Variants in COL27A1 observed in about 807,000 individuals in gnomAD.
The protein encoded by COL27A1 is collagen alpha-1(XXVII) chain.
COL27A1 carries 106 observed loss-of-function variants against 251.3 expected under a neutral mutation model. That is an observed-to-expected ratio of 0.42 (90% CI 0.36 to 0.50). COL27A1 has a LOEUF of 0.50. Ranked by LOEUF, COL27A1 falls within the 20% of genes least tolerant of loss-of-function variation. COL27A1 has a pLI of 0.00. For missense variants in COL27A1, 2,325 were observed against 2,522.8 expected (o/e 0.92, Z 1.68); for synonymous variants, 1,000 against 986.3 (o/e 1.01, Z -0.26).
intron 2 of COL27A1, among the ~76,000 whole-genome samples, chr9:114,163,586 T>G (rs1391309878): frequency 2.6e-5 from 4 of 152,142 alleles, no homozygotes; most frequent in Admixed American, 2.0e-4. Flanking sequence ...CATCTGTTTG[T>G]CAAGCAGCCG....
rs754052256 is a variant in COL27A1 at position 114,250,637 on chromosome 9, T to C, written c.3002T>C (p.Leu1001Pro). 12 of 1,612,130 alleles carry C rather than the reference T, an allele frequency of 7.4e-6. No homozygotes were observed. ...TAGGGATTTATGGGATTCATTGGTC[T>C]GGTCGGGGAGCCAGGAATCGTGGGA... ...GEQGFMGFIG[L>P]VGEPGIVGEK... Residue 1001 changes from leucine to proline, a missense_variant, in exon 25 of 61, where the codon CTG becomes CCG. Physicochemically the swap from Leu to Pro is moderately conservative, Grantham distance 98 (BLOSUM62 -3). Transcript: ENST00000356083.
intron 16 of COL27A1, among the ~76,000 whole-genome samples, chr9:114,232,975 G>A (rs1020785978): frequency 4.1e-4 from 62 of 152,244 alleles, no homozygotes; most frequent in African/African-American, 1.4e-3. Context: ...GGAGGCTGAG[G>A]CAGGAGAATC....
chr9:114,242,877 TCCA>T (rs1832855615), intron 22 of COL27A1, among the ~76,000 whole-genome samples: 1 of 152,228 alleles, frequency 6.6e-6, no homozygotes, highest in African/African-American at 2.4e-5. Context: ...CACGCTATTT[TCCA>T]TAGCAAAATA....
rs772810391 is a variant in COL27A1, at chr9:114,269,247, C to T, written c.3508C>T (p.Leu1170Phe). 1.2e-6 allele frequency: 2 copies of T among 1,603,318 alleles called. No individual in the cohort carries two copies. Among genetic ancestry groups the T allele is most frequent in the South Asian group, 2.2e-5 (2 of 89,624 alleles). The stretch of plus-strand genomic sequence containing the variant: ...TTTGTTCGGCTTCTCCTAGGGTGAC[C>T]TTGGACCCCTGGGCACTCCTGGGGA... ...LPGEAGMKGD[L>F]GPLGTPGEQG... The change falls in exon 35 of 61, where the codon CTT (leucine) becomes TTT (phenylalanine). Residue 1170 changes from leucine to phenylalanine, a missense_variant. Physicochemically the swap from Leu to Phe is conservative, Grantham distance 22. Coordinates refer to ENST00000356083, the MANE Select transcript of COL27A1 (RefSeq NM_032888.4).
intron 2 of COL27A1, among the ~76,000 whole-genome samples, chr9:114,166,484 T>TCC (rs1246586207): frequency 2.9e-5 from 2 of 68,354 alleles, no homozygotes; most frequent in South Asian, 4.5e-4. Context: ...TCCATCCATC[T>TCC]CCCAGTTGTC....
At chr9:114,291,642 G>A (rs760949356) in intron 48 of COL27A1, among the ~76,000 whole-genome samples, 1 of 152,160 alleles carries the variant, frequency 6.6e-6, no homozygotes, top group Non-Finnish European at 1.5e-5. Flanking sequence ...CCAGCCACTC[G>A]GGAGGCCGAG....
Position 114,290,834 on chromosome 9 carries a change from C to A in COL27A1, c.4393C>A (p.Pro1465Thr), listed in dbSNP as rs1314562582. The A allele has an allele frequency of 6.4e-7, 1 of 1,551,100 alleles. No individual in the cohort carries two copies. Among genetic ancestry groups the A allele is most frequent in the Non-Finnish European group, 8.7e-7 (1 of 1,146,756 alleles). ...GGGGGAGCAGGGAGACGATGGGGAC[C>A]CTGGCCCCATGGGCCCTGCTGGGAA... ...QQGEQGDDGD[P>T]GPMGPAGKRG... Residue 1465 changes from proline to threonine, a missense_variant, in exon 48 of 61, where the codon CCT becomes ACT. Physicochemically the swap from Pro to Thr is conservative, Grantham distance 38. This residue lies in a region of COL27A1 where 153 missense variants were observed against 140.7 expected (regional missense o/e 1.09). Transcript: ENST00000356083. The surrounding 1 kb of genome is among the most constrained non-coding windows in gnomAD (Gnocchi z 4.6).
At chr9:114,166,292 TATTCATCTATTC>T (rs1848851535) in intron 2 of COL27A1, among the ~76,000 whole-genome samples, 1 of 132,128 alleles carries the variant, frequency 7.6e-6, no homozygotes, top group Admixed American at 7.5e-5. Flanking sequence ...TCCATCCATC[TATTCATCTATTC>T]ATCCATCCAT....
chr9:114,294,358 T>C (rs1828130477), intron 49 of COL27A1, among the ~76,000 whole-genome samples: 1 of 151,932 alleles, frequency 6.6e-6, no homozygotes, highest in African/African-American at 2.4e-5. Flanking sequence ...GATTCTACCC[T>C]GATGTCAAAG....
chr9:114,176,199 C>G (rs1020755916), intron 3 of COL27A1, among the ~76,000 whole-genome samples: 10 of 152,170 alleles, frequency 6.6e-5, no homozygotes, highest in Admixed American at 2.0e-4. Context: ...CTACAGTATG[C>G]TTCGTCTCAG....
intron 1 of COL27A1, among the ~76,000 whole-genome samples, chr9:114,160,454 C>T (rs1387418553): frequency 2.0e-5 from 3 of 151,982 alleles, no homozygotes; most frequent in Non-Finnish European, 4.4e-5. Context: ...CGTGCCCGGC[C>T]GTTTTTTAAA....
intron 14 of COL27A1, among the ~76,000 whole-genome samples, chr9:114,229,625 T>C (rs770986689): frequency 6.1e-4 from 92 of 152,048 alleles, no homozygotes; most frequent in Non-Finnish European, 1.1e-3. Flanking sequence ...CCCAGAGAGG[T>C]TGGGCACATT....
At chr9:114,230,347 G>A (rs1444478647) in intron 14 of COL27A1, among the ~76,000 whole-genome samples, 2 of 152,054 alleles carry the variant, frequency 1.3e-5, no homozygotes, top group African/African-American at 4.8e-5. Context: ...CCTTGCAGAG[G>A]AAGGAAGGCT....
At position 114,263,527 on chromosome 9, in the gene COL27A1, G is replaced by A. The variant is rs1265877946; in HGVS notation, c.3196-828G>A. On this transcript the variant is annotated intron_variant, in intron 28 of 60. Transcript: ENST00000356083. ...AGCCCATCTGCGTCTCTGTGGGAGC[G>A]GCCCTGGAGGGGACACACGTGGGGC... 4.6e-5 allele frequency among the ~76,000 whole-genome samples: 7 copies of A among 152,262 alleles called. No homozygotes were observed. The East Asian group carries it at 9.7e-4, about 21-fold the overall frequency.
chr9:114,289,842 G>A (rs1827783952), intron 45 of COL27A1, among the ~76,000 whole-genome samples: 1 of 152,160 alleles, frequency 6.6e-6, no homozygotes, highest in South Asian at 2.1e-4. Context: ...CAATGCCAGT[G>A]AGGGGACACC....
chr9:114,195,697 ATTC>A (rs1015587619), intron 6 of COL27A1, among the ~76,000 whole-genome samples: 1 of 152,176 alleles, frequency 6.6e-6, no homozygotes, highest in Non-Finnish European at 1.5e-5. Context: ...ATCGGAACCC[ATTC>A]TTCAAGTGGT....
Position 114,290,290 on chromosome 9 carries a change from C to G in COL27A1, c.4327C>G (p.Pro1443Ala). 3 of 1,583,378 alleles carry G rather than the reference C, an allele frequency of 1.9e-6. No individual in the cohort carries two copies. The highest frequency in any genetic ancestry group is 1.7e-6 in the Non-Finnish European group (2 of 1,164,984). The change falls in exon 47 of 61, where the codon CCA (proline) becomes GCA (alanine). Residue 1443 changes from proline to alanine, a missense_variant. By Grantham distance (27) the Pro-to-Ala change is conservative. Coordinates refer to ENST00000356083, the MANE Select transcript of COL27A1 (RefSeq NM_032888.4). The surrounding 1 kb of genome is among the most constrained non-coding windows in gnomAD (Gnocchi z 4.6). ...GRQGLEGIAG[P>A]DGLPGRDGQA... is the part of the protein sequence containing the mutation. ...ACAGGGCCTCGAGGGCATCGCTGGA[C>G]CAGATGGGCTTCCTGGCAGGGACGG...
At chr9:114,208,615 C>T (rs933247660) in intron 10 of COL27A1, among the ~76,000 whole-genome samples, 2 of 152,122 alleles carry the variant, frequency 1.3e-5, no homozygotes, top group Non-Finnish European at 2.9e-5. Flanking sequence ...AATCATTCCA[C>T]CAAGAGTGGC....
intron 27 of COL27A1, among the ~76,000 whole-genome samples, chr9:114,254,497 C>T (rs1833793269): frequency 6.6e-6 from 1 of 151,814 alleles, no homozygotes; most frequent in African/African-American, 2.4e-5. Flanking sequence ...GGGGTCAGGG[C>T]TGGGAGCCCA....
Sources: allele counts gnomAD v4.1 joint callset (sites outside exome capture counted in the v4.1 genomes callset), GRCh38; gene constraint gnomAD v4.1.1; regional missense constraint gnomAD v4.1.1; non-coding constraint Gnocchi (gnomAD v3.1); transcripts MANE v1.5; gene names NCBI Gene and HGNC (gene_info 2026-07-23, HGNC 2026-07-21).